The following SLC35F1 variants were observed in gnomAD, a reference collection of about 807,000 sequenced individuals.
The protein encoded by SLC35F1 is solute carrier family 35 member F1.
SLC35F1 carries 14 observed loss-of-function variants against 48.7 expected under a neutral mutation model. That is an observed-to-expected ratio of 0.29 (90% CI 0.19 to 0.45). The LOEUF (loss-of-function observed/expected upper bound fraction) is 0.45, where lower values mean the gene tolerates loss of function less well. Ranked by LOEUF, SLC35F1 falls within the 20% of genes least tolerant of loss-of-function variation. SLC35F1 has a pLI of 1.00. For missense variants in SLC35F1, 404 were observed against 500.0 expected (o/e 0.81, Z 1.83); for synonymous variants, 190 against 202.2 (o/e 0.94, Z 0.51).
At chr6:118,140,747 G>A (rs908425300) in intron 1 of SLC35F1, among the ~76,000 whole-genome samples, 3 of 152,066 alleles carry the variant, frequency 2.0e-5, no homozygotes, top group African/African-American at 7.2e-5. Context: ...AGATGTTGAA[G>A]GGGAAGACAG....
chr6:117,964,657 G>T (rs1562249860), intron 1 of SLC35F1, among the ~76,000 whole-genome samples: 1 of 152,158 alleles, frequency 6.6e-6, no homozygotes, highest in Non-Finnish European at 1.5e-5. Context: ...AGGACCCTGA[G>T]GGCTTCCTAA....
At chr6:118,019,045 C>T (rs1356765460) in intron 1 of SLC35F1, among the ~76,000 whole-genome samples, 2 of 152,098 alleles carry the variant, frequency 1.3e-5, no homozygotes, top group Non-Finnish European at 2.9e-5. Flanking sequence ...CTATTCTTCA[C>T]GTATCTTTTC....
chr6:117,948,693 C>A (rs1172616177), intron 1 of SLC35F1, among the ~76,000 whole-genome samples: 1 of 152,020 alleles, frequency 6.6e-6, no homozygotes, highest in Non-Finnish European at 1.5e-5. Flanking sequence ...GAAAGAGTTC[C>A]CATTCATGTG....
At chr6:118,119,496 C>CCA (rs1554228994) in intron 1 of SLC35F1, among the ~76,000 whole-genome samples, 1 of 65,586 alleles carries the variant, frequency 1.5e-5, no homozygotes, top group Non-Finnish European at 2.8e-5. Flanking sequence ...TAACCGGCGC[C>CCA]CCCCCTCCAC....
At chr6:118,277,448 T>G in intron 5 of SLC35F1, 46 bp from the exon 6 acceptor site, 1 of 1,503,312 alleles carries the variant, frequency 6.7e-7, no homozygotes, top group Non-Finnish European at 9.3e-7. Context: ...GAAAGTAGAG[T>G]GCATTCTAAT....
intron 1 of SLC35F1, among the ~76,000 whole-genome samples, chr6:117,948,520 T>A (rs1776322247): frequency 6.6e-6 from 1 of 152,148 alleles, no homozygotes; most frequent in Non-Finnish European, 1.5e-5. Context: ...TCTAGACTTG[T>A]CATCATAGCC....
chr6:118,225,109 A>G (rs1775198195), intron 2 of SLC35F1, among the ~76,000 whole-genome samples: 1 of 152,206 alleles, frequency 6.6e-6, no homozygotes, highest in Non-Finnish European at 1.5e-5. Context: ...CCCAAAGCAA[A>G]TTATAGGCTC....
chr6:118,151,796 T>C (rs1455455216), intron 1 of SLC35F1, among the ~76,000 whole-genome samples: 1 of 152,138 alleles, frequency 6.6e-6, no homozygotes, highest in South Asian at 2.1e-4. Flanking sequence ...GGATTACAGG[T>C]GTGAGCCACT....
At chr6:118,148,477 GTAATGGT>G (rs141784848) in intron 1 of SLC35F1, among the ~76,000 whole-genome samples, 2,928 of 152,228 alleles carry the variant, frequency 0.019, 94 homozygotes, top group African/African-American at 0.063. Flanking sequence ...AGTGCCGGTG[GTAATGGT>G]TATGTCAGTC....
At chr6:118,000,092 C>A (rs907389227) in intron 1 of SLC35F1, among the ~76,000 whole-genome samples, 2 of 152,178 alleles carry the variant, frequency 1.3e-5, no homozygotes, top group African/African-American at 4.8e-5. Context: ...CTCCCTAACT[C>A]ATTTTACGAG....
intron 2 of SLC35F1, among the ~76,000 whole-genome samples, chr6:118,198,634 T>G (rs1774833309): frequency 6.6e-6 from 1 of 152,232 alleles, no homozygotes; most frequent in African/African-American, 2.4e-5. Context: ...ACACTTACAC[T>G]TCCATCCCAG....
At chr6:118,300,974 T>C (rs283061) in intron 7 of SLC35F1, among the ~76,000 whole-genome samples, 105,740 of 152,016 alleles carry the variant, frequency 0.7, 37,405 homozygotes, top group Middle Eastern at 0.8. Context: ...GTAGCTGTGT[T>C]CCATTGCTCT....
At chr6:118,277,250 GA>G (rs534873663) in intron 5 of SLC35F1, among the ~76,000 whole-genome samples, 36 of 152,330 alleles carry the variant, frequency 2.4e-4, no homozygotes, top group African/African-American at 8.2e-4. Flanking sequence ...TGGGTGAGAA[GA>G]GCAGGAAGGG....
intron 1 of SLC35F1, among the ~76,000 whole-genome samples, chr6:117,963,385 T>C (rs2114836886): frequency 6.6e-6 from 1 of 151,944 alleles, no homozygotes; most frequent in South Asian, 2.1e-4. Context: ...TTAGGGGGAC[T>C]TTGTGCCAGC....
intron 1 of SLC35F1, among the ~76,000 whole-genome samples, chr6:118,065,543 C>T (rs772994807): frequency 2.6e-5 from 4 of 151,870 alleles, no homozygotes; most frequent in African/African-American, 9.7e-5. Context: ...TCACATGTAC[C>T]CCAAAAAGAT....
intron 1 of SLC35F1, among the ~76,000 whole-genome samples, chr6:118,145,466 A>G (rs1773957668): frequency 6.6e-6 from 1 of 152,220 alleles, no homozygotes; most frequent in Admixed American, 6.5e-5. Context: ...ATACCAAAAT[A>G]TACTGTAAGT....
chr6:117,972,036 C>T (rs1776649138), intron 1 of SLC35F1, among the ~76,000 whole-genome samples: 1 of 152,238 alleles, frequency 6.6e-6, no homozygotes, highest in South Asian at 2.1e-4. Context: ...ATATCATCAT[C>T]AGGGTGCAAA....
At chr6:118,273,922 C>T (rs188350349) in intron 4 of SLC35F1, among the ~76,000 whole-genome samples, 1 of 152,244 alleles carries the variant, frequency 6.6e-6, no homozygotes, top group Admixed American at 6.5e-5. Context: ...AAAGAAGTTG[C>T]CTTAGAAAAA....
rs535692087 is a variant in SLC35F1, at chr6:118,157,272, G to A, written c.349+2652G>A. On this transcript the variant is annotated intron_variant, in intron 2 of 7. Transcript: ENST00000360388. ...GCAGGGAAGGCAGGAGGAGGGAGCG[G>A]AGACCTTTTTGAAAAAAAGGAGAGG... is the stretch of plus-strand genomic sequence containing the variant. 3.9e-5 allele frequency among the ~76,000 whole-genome samples: 6 copies of A among 152,166 alleles called. No individual in the cohort carries two copies. In the East Asian group the frequency reaches 1.2e-3, roughly 30 times the overall value.
Sources: gnomAD v4.1 joint callset for allele counts (sites outside exome capture counted in the v4.1 genomes callset) on GRCh38, gnomAD v4.1.1 for gene constraint, MANE v1.5 for transcripts, NCBI Gene and HGNC (gene_info 2026-07-23, HGNC 2026-07-21) for gene names.